Variants in ANTXR1 observed in about 807,000 individuals in gnomAD.
ANTXR1 encodes anthrax toxin receptor 1.
ANTXR1 carries 19 observed loss-of-function variants against 78.1 expected under a neutral mutation model. That is an observed-to-expected ratio of 0.24 (90% CI 0.17 to 0.36). ANTXR1 has a LOEUF of 0.36. ANTXR1 is among the 10% of genes least tolerant of loss of function. ANTXR1 has a pLI of 1.00. For missense variants in ANTXR1, 518 were observed against 718.6 expected (o/e 0.72, Z 3.19); for synonymous variants, 273 against 260.5 (o/e 1.05, Z -0.46).
chr2:69,136,817 A>C (rs1477349024), intron 12 of ANTXR1, among the ~76,000 whole-genome samples: 2 of 152,244 alleles, frequency 1.3e-5, no homozygotes, highest in Non-Finnish European at 2.9e-5. Flanking sequence ...GGTAACAAAG[A>C]AAACTATTAG....
chr2:69,073,076 A>T lies in ANTXR1; in HGVS notation c.467A>T (p.Asp156Val). 1.2e-6 allele frequency: 2 copies of T among 1,614,040 alleles called. No homozygotes were observed. The highest frequency in any genetic ancestry group is 1.1e-5 in the South Asian group (1 of 91,074). ...TTGACTGATGGAGAACTCCATGAAG[A>T]TCTCTTTTTCTATTCAGAGAGGGAG... ...IALTDGELHEDLFFYSEREAN... is the reference protein window; with the variant it reads ...IALTDGELHEVLFFYSEREAN... The change falls in exon 6 of 18, where the codon GAT becomes GTT. Residue 156 changes from aspartate to valine, a missense_variant. This residue lies in a region of ANTXR1 where 264 missense variants were observed against 391.8 expected (regional missense o/e 0.67). Transcript: ENST00000303714.
intron 17 of ANTXR1, among the ~76,000 whole-genome samples, chr2:69,195,999 T>G (rs1674659744): frequency 6.6e-6 from 1 of 152,154 alleles, no homozygotes; most frequent in Non-Finnish European, 1.5e-5. Flanking sequence ...TAGAAAGAAA[T>G]ATTATCATTA....
At chr2:69,188,295 A>T (rs960541237) in intron 16 of ANTXR1, among the ~76,000 whole-genome samples, 1 of 152,126 alleles carries the variant, frequency 6.6e-6, no homozygotes, top group African/African-American at 2.4e-5. Context: ...TTTTGTAAAC[A>T]TGGGGATCTC....
intron 9 of ANTXR1, among the ~76,000 whole-genome samples, chr2:69,098,876 C>G (rs1301167485): frequency 6.6e-6 from 1 of 152,312 alleles, no homozygotes. Context: ...ATCCCAGCTA[C>G]TCCGGAGGCT....
At chr2:69,243,983 C>T (rs1436452773) in intron 17 of ANTXR1, among the ~76,000 whole-genome samples, 14 of 152,206 alleles carry the variant, frequency 9.2e-5, no homozygotes, top group Admixed American at 7.8e-4. Context: ...GGGTACCCAC[C>T]CAGGCAAGTG....
intron 14 of ANTXR1, among the ~76,000 whole-genome samples, chr2:69,179,985 A>T (rs1364327356): frequency 1.3e-5 from 2 of 152,232 alleles, no homozygotes; most frequent in African/African-American, 4.8e-5. Context: ...AGAGAGAGAG[A>T]CACCCAAGTG....
intron 17 of ANTXR1, among the ~76,000 whole-genome samples, chr2:69,216,211 A>G (rs1675169061): frequency 6.6e-6 from 1 of 152,218 alleles, no homozygotes; most frequent in Non-Finnish European, 1.5e-5. Context: ...CTTTTATATC[A>G]TCAGATTCCA....
At chr2:69,194,492 C>T (rs1019240742) in intron 17 of ANTXR1, among the ~76,000 whole-genome samples, 1 of 152,238 alleles carries the variant, frequency 6.6e-6, no homozygotes, top group East Asian at 1.9e-4. Context: ...GCACGGACTT[C>T]TTCCTACTGT....
In ANTXR1 at chr2:69,226,946, G is replaced by A. The variant is rs755884655; in HGVS notation, c.1435-18279G>A. The stretch of plus-strand genomic sequence containing the variant: ...CGAGCTCAGCCCAGCCTGGGGAGAA[G>A]TATCACAGACATTTAATTAGTGCAG... On this transcript the variant is annotated intron_variant, in intron 17 of 17. Transcript: ENST00000303714. Among the ~76,000 whole-genome samples, 9 of 152,046 alleles carry A rather than the reference G, an allele frequency of 5.9e-5. No individual in the cohort carries two copies. The South Asian group carries it at 8.3e-4, about 14-fold the overall frequency.
intron 8 of ANTXR1, among the ~76,000 whole-genome samples, chr2:69,078,805 C>T (rs865908363): frequency 2.1e-4 from 32 of 152,094 alleles, no homozygotes; most frequent in South Asian, 6.2e-4. Context: ...TATCATATGA[C>T]GGATATTAAT....
At chr2:69,040,209 G>A (rs1174756328) in intron 2 of ANTXR1, 94 bp downstream of exon 2, 73 of 1,174,562 alleles carry the variant, frequency 6.2e-5, no homozygotes, top group Non-Finnish European at 8.8e-5. Flanking sequence ...ACATACTTTG[G>A]GGATGTTTTT....
chr2:69,061,936 C>A (rs1670256946), intron 3 of ANTXR1, among the ~76,000 whole-genome samples: 1 of 152,034 alleles, frequency 6.6e-6, no homozygotes, highest in Non-Finnish European at 1.5e-5. Context: ...CCATGGTCAA[C>A]CAGAAAAGCC....
At chr2:69,207,627 G>C (rs1674937406) in intron 17 of ANTXR1, among the ~76,000 whole-genome samples, 1 of 152,092 alleles carries the variant, frequency 6.6e-6, no homozygotes, top group South Asian at 2.1e-4. Context: ...GTTGACCATG[G>C]CTTTTTCCTT....
At chr2:69,188,006 C>T (rs1358156070) in intron 16 of ANTXR1, among the ~76,000 whole-genome samples, 3 of 106,794 alleles carry the variant, frequency 2.8e-5, no homozygotes, top group Non-Finnish European at 5.7e-5. Context: ...GCAGACAAAC[C>T]AGAAGAAAAG....
intron 12 of ANTXR1, among the ~76,000 whole-genome samples, chr2:69,132,096 T>C (rs1672767303): frequency 6.6e-6 from 1 of 152,164 alleles, no homozygotes; most frequent in East Asian, 1.9e-4. Context: ...TAGAGACTGA[T>C]AGACTCAAGA....
At chr2:69,046,068 T>G (rs1669759133) in intron 3 of ANTXR1, among the ~76,000 whole-genome samples, 1 of 152,118 alleles carries the variant, frequency 6.6e-6, no homozygotes, top group Non-Finnish European at 1.5e-5. Flanking sequence ...ATCTCAAGAC[T>G]CCTCATCTTG....
intron 12 of ANTXR1, among the ~76,000 whole-genome samples, chr2:69,148,400 C>T (rs931648912): frequency 3.9e-5 from 6 of 152,186 alleles, no homozygotes; most frequent in African/African-American, 7.2e-5. Flanking sequence ...CCCAGACACT[C>T]GGCTCTTCAG....
intron 8 of ANTXR1, among the ~76,000 whole-genome samples, chr2:69,080,202 C>A (rs559850808): frequency 1.3e-5 from 2 of 152,176 alleles, no homozygotes; most frequent in Non-Finnish European, 2.9e-5. Context: ...GAAACAGGGA[C>A]AAGTAGAGCG....
chr2:69,219,348 T>C (rs1400109316), intron 17 of ANTXR1, among the ~76,000 whole-genome samples: 1 of 145,422 alleles, frequency 6.9e-6, no homozygotes, highest in East Asian at 2.3e-4. Context: ...TAAGGAATTT[T>C]AGCCTAGGTA....
Sources: allele counts gnomAD v4.1 joint callset (sites outside exome capture counted in the v4.1 genomes callset), GRCh38; gene constraint gnomAD v4.1.1; regional missense constraint gnomAD v4.1.1; transcripts MANE v1.5; gene names NCBI Gene and HGNC (gene_info 2026-07-23, HGNC 2026-07-21).